SPAG17: variants seen among roughly 807,000 people sequenced by gnomAD.
SPAG17 encodes the protein sperm associated antigen 17, also known as sperm-associated antigen 17.
A neutral mutation model predicts 273.6 loss-of-function variants in SPAG17; 169 were observed. The ratio of observed to expected loss-of-function variants is 0.62; its 90% CI spans 0.55 to 0.70. The LOEUF is 0.70. SPAG17 is among the 30% of genes least tolerant of loss of function. The pLI, the probability that SPAG17 is intolerant of heterozygous loss-of-function variation, is 0.00. For synonymous variants in SPAG17, 825 were observed against 873.2 expected, an observed-to-expected ratio of 0.94 and a Z score of 0.97; for missense variants, 2,557 against 2,627.8, an observed-to-expected ratio of 0.97 and a Z score of 0.59.
At chr1:117,964,662 T>C (rs1217954852) in intron 47 of SPAG17, 2 of 152,188 alleles carry the variant, frequency 1.3e-5, no homozygotes, top group Non-Finnish European at 2.9e-5. Flanking sequence ...ACTGCCATCA[T>C]TGTTTATGGT....
At chr1:117,958,331 C>A (rs1306158451) in intron 48 of SPAG17, among the ~76,000 whole-genome samples, 1 of 152,178 alleles carries the variant, frequency 6.6e-6, no homozygotes, top group African/African-American at 2.4e-5. Flanking sequence ...TCATATTTAA[C>A]CATGTTACTA....
intron 7 of SPAG17, among the ~76,000 whole-genome samples, chr1:118,094,052 G>A (rs543420713): frequency 6.6e-6 from 1 of 152,250 alleles, no homozygotes; most frequent in African/African-American, 2.4e-5. Context: ...TCCTATGTCT[G>A]AGTTCAAGAA....
At chr1:117,955,329 A>T (rs1161808709) in intron 48 of SPAG17, 2 of 1,612,474 alleles carry the variant, frequency 1.2e-6, no homozygotes, top group Non-Finnish European at 1.7e-6. Flanking sequence ...CAGCTTATGT[A>T]TTAGAGATTT....
intron 32 of SPAG17, among the ~76,000 whole-genome samples, chr1:117,999,715 G>C (rs1658059221): frequency 6.6e-6 from 1 of 151,994 alleles, no homozygotes; most frequent in Non-Finnish European, 1.5e-5. Context: ...TGTAGATTCT[G>C]GATATTAGCC....
intron 28 of SPAG17, among the ~76,000 whole-genome samples, chr1:118,021,750 T>C (rs1298748475): frequency 6.6e-6 from 1 of 152,098 alleles, no homozygotes; most frequent in Non-Finnish European, 1.5e-5. Flanking sequence ...GGAAGGGCTG[T>C]GAAGAAATCT....
Position 117,974,150 on chromosome 1 carries a change from T to C in SPAG17, c.6005-589A>G, listed in dbSNP as rs77498574. 4.4e-3 allele frequency among the ~76,000 whole-genome samples: 670 copies of C among 152,328 alleles called. 3 individuals carry two copies. Among genetic ancestry groups the C allele is most frequent in the African/African-American group, 0.015 (635 of 41,558 alleles). On this transcript the variant is annotated intron_variant, in intron 43 of 48. Transcript: ENST00000336338. ...CATGTGAGTGTATGTGTCTTTTTGA[T>C]AGAACAATTTCTTTTTCTGTGGGTG...
chr1:118,159,890 A>C (rs1270767652), intron 1 of SPAG17, among the ~76,000 whole-genome samples: 1 of 152,168 alleles, frequency 6.6e-6, no homozygotes, highest in Non-Finnish European at 1.5e-5. Flanking sequence ...CACCCCCAAC[A>C]GTGGGCTGAA....
intron 3 of SPAG17, among the ~76,000 whole-genome samples, chr1:118,130,711 TC>T (rs1319640489): frequency 6.6e-6 from 1 of 152,102 alleles, no homozygotes; most frequent in African/African-American, 2.4e-5. Flanking sequence ...AGACATTAAT[TC>T]CCCCACCAGG....
chr1:118,087,162 G>A, intron 10 of SPAG17, 154 bp from the exon 11 acceptor site: 2 of 675,130 alleles, frequency 3.0e-6, no homozygotes, highest in Admixed American at 6.5e-5. Flanking sequence ...AACTATCAGT[G>A]ATCACCAAGT....
chr1:118,145,695 G>A (rs920874217), intron 3 of SPAG17, among the ~76,000 whole-genome samples: 3 of 151,558 alleles, frequency 2.0e-5, no homozygotes, highest in African/African-American at 7.3e-5. Context: ...AAAAATATGA[G>A]AATTTTTTTA....
chr1:118,079,984 G>T (rs1386120056), intron 15 of SPAG17, among the ~76,000 whole-genome samples: 1 of 152,120 alleles, frequency 6.6e-6, no homozygotes, highest in Non-Finnish European at 1.5e-5. Context: ...AGACGCTATG[G>T]TATAATGGAG....
chr1:118,015,271 C>CA (rs757554740), intron 29 of SPAG17, among the ~76,000 whole-genome samples: 9,702 of 80,038 alleles, frequency 0.12, 509 homozygotes, highest in East Asian at 0.39. Context: ...ACCTCTGTGT[C>CA]AAAAAAAAAA....
Position 118,171,262 on chromosome 1 carries a change from T to G in SPAG17, c.87+13809A>C, listed in dbSNP as rs1485263042. ...TGTTATGATTGTCACAACTTACTGTTAAGGAGGAAGAATGGAATAGTGAGA... is the reference window on the plus strand; with the variant it reads ...TGTTATGATTGTCACAACTTACTGTGAAGGAGGAAGAATGGAATAGTGAGA... On this transcript the variant is annotated intron_variant, in intron 1 of 48. Transcript: ENST00000336338. Among the ~76,000 whole-genome samples, 3 of 152,110 alleles carry G rather than the reference T, an allele frequency of 2.0e-5. No individual in the cohort carries two copies. The East Asian group carries it at 5.8e-4, about 29-fold the overall frequency.
At chr1:118,028,077 C>A (rs181129559) in intron 26 of SPAG17, among the ~76,000 whole-genome samples, 197 bp downstream of exon 26, 1 of 152,304 alleles carries the variant, frequency 6.6e-6, no homozygotes, top group Non-Finnish European at 1.5e-5. Context: ...GTATTTAGAT[C>A]ACAGTATTTG....
At chr1:118,108,503 C>G (rs1355101769) in intron 4 of SPAG17, among the ~76,000 whole-genome samples, 1 of 152,108 alleles carries the variant, frequency 6.6e-6, no homozygotes, top group Admixed American at 6.6e-5. Flanking sequence ...CTTTCTCTGG[C>G]CTTTCTTGCT....
chr1:117,981,151 G>T (rs887037624), intron 43 of SPAG17, 119 bp downstream of exon 43: 137 of 1,076,144 alleles, frequency 1.3e-4, no homozygotes, highest in Non-Finnish European at 1.7e-4. Flanking sequence ...TCCAGGATCC[G>T]TGACCCTCTC....
intron 32 of SPAG17, among the ~76,000 whole-genome samples, chr1:117,998,540 C>CT (rs77739889): frequency 0.065 from 9,910 of 151,950 alleles, 519 homozygotes; most frequent in East Asian, 0.31. Context: ...TATTTGGGCT[C>CT]TTTTTTTGGT....
At chr1:118,143,837 C>T (rs1286713898) in intron 3 of SPAG17, among the ~76,000 whole-genome samples, 3 of 152,152 alleles carry the variant, frequency 2.0e-5, no homozygotes, top group Non-Finnish European at 4.4e-5. Flanking sequence ...ATTAGCTGAA[C>T]CTCACTTTAT....
chr1:118,009,265 A>ACG (rs1046371620), intron 30 of SPAG17, among the ~76,000 whole-genome samples: 1 of 151,934 alleles, frequency 6.6e-6, no homozygotes, highest in East Asian at 1.9e-4. Flanking sequence ...ACACACACAC[A>ACG]CACACACACA....
Sources: allele counts gnomAD v4.1 joint callset (sites outside exome capture counted in the v4.1 genomes callset), GRCh38; gene constraint gnomAD v4.1.1; transcripts MANE v1.5; gene names NCBI Gene and HGNC (gene_info 2026-07-23, HGNC 2026-07-21).